SVOP: variants seen among roughly 807,000 people sequenced by gnomAD.
SVOP encodes synaptic vesicle 2-related protein.
Under a neutral mutation model 69.1 loss-of-function variants are expected in SVOP, and 17 were observed. That is an observed-to-expected ratio of 0.25 (90% CI 0.17 to 0.37). SVOP has a LOEUF of 0.37. Among genes scored for constraint, SVOP ranks in the 10% least tolerant of loss-of-function variants. The pLI is 1.00. For missense variants in SVOP, 435 were observed against 597.5 expected, an observed-to-expected ratio of 0.73 and a Z score of 2.84; for synonymous variants, 238 against 238.6, an observed-to-expected ratio of 1.00 and a Z score of 0.02.
chr12:108,950,593 G>A (rs1328656850), intron 6 of SVOP, among the ~76,000 whole-genome samples: 1 of 151,966 alleles, frequency 6.6e-6, no homozygotes, highest in Non-Finnish European at 1.5e-5. Flanking sequence ...ATGTTGCCCA[G>A]GCTGGTCTTG....
At chr12:108,939,314 C>A (rs866815149) in intron 8 of SVOP, among the ~76,000 whole-genome samples, 1 of 152,140 alleles carries the variant, frequency 6.6e-6, no homozygotes, top group African/African-American at 2.4e-5. Context: ...TTATTTGGGG[C>A]TGTTTTCAGA....
intron 1 of SVOP, among the ~76,000 whole-genome samples, chr12:109,005,381 C>G (rs1169243089): frequency 6.6e-6 from 1 of 152,146 alleles, no homozygotes. Context: ...TCATAGGAGT[C>G]TATCTATCGA....
intron 6 of SVOP, 109 bp downstream of exon 6, chr12:108,960,814 T>A: frequency 7.4e-7 from 1 of 1,358,198 alleles, no homozygotes; most frequent in Middle Eastern, 2.1e-4. Flanking sequence ...GGTATAGCTA[T>A]CTCTGCACCC....
rs149632810 is a variant in SVOP, at chr12:109,004,702, T to TATTTCATTTCATTTC, written c.35+16117_35+16131dup. On this transcript the variant is annotated intron_variant, in intron 1 of 15. Coordinates refer to ENST00000610966, the MANE Select transcript of SVOP (RefSeq NM_018711.5). ...GCCACCATGCCCGGCCTGATACAAGTATTTCATTTCATTTCATTTCATTTC... is the reference window on the plus strand; with the variant it reads ...GCCACCATGCCCGGCCTGATACAAGTATTTCATTTCATTTCATTTCATTTCATTTCATTTCATTTC... Among the ~76,000 whole-genome samples, 65 of 146,462 alleles carry TATTTCATTTCATTTC rather than the reference T, an allele frequency of 4.4e-4. 1 individual carries two copies. The highest frequency in any genetic ancestry group is 1.4e-3 in the African/African-American group (57 of 39,612).
intron 1 of SVOP, among the ~76,000 whole-genome samples, chr12:109,008,545 TAGC>T (rs1245598027): frequency 2.0e-5 from 3 of 152,198 alleles, no homozygotes; most frequent in African/African-American, 7.2e-5. Context: ...GTTCCTAGGA[TAGC>T]AGACCACTAG....
chr12:108,957,968 C>A (rs1350273104), intron 6 of SVOP, among the ~76,000 whole-genome samples: 1 of 152,228 alleles, frequency 6.6e-6, no homozygotes, highest in Non-Finnish European at 1.5e-5. Flanking sequence ...AGGAACTGTT[C>A]TTAGGCGGGG....
chr12:108,968,677 G>A (rs1320580961), intron 5 of SVOP, among the ~76,000 whole-genome samples: 1 of 151,798 alleles, frequency 6.6e-6, no homozygotes, highest in Non-Finnish European at 1.5e-5. Flanking sequence ...CAGAATTTGG[G>A]GTTCAGCAAA....
intron 15 of SVOP, 77 bp downstream of exon 15, chr12:108,915,706 G>C (rs2039709267): frequency 7.0e-7 from 1 of 1,435,774 alleles, no homozygotes; most frequent in East Asian, 2.6e-5. Context: ...TCTGGGGACA[G>C]TCGGCATGTA....
chr12:109,008,511 G>T (rs10774602), intron 1 of SVOP, among the ~76,000 whole-genome samples: 76,150 of 151,904 alleles, frequency 0.5, 22,203 homozygotes, highest in South Asian at 0.72. Context: ...TGCCATCCCC[G>T]TCAACCTGAA....
intron 1 of SVOP, among the ~76,000 whole-genome samples, chr12:109,006,197 T>C (rs930495907): frequency 2.0e-5 from 3 of 151,998 alleles, no homozygotes; most frequent in Non-Finnish European, 4.4e-5. Flanking sequence ...GGATTACAGC[T>C]GCCTGCTACC....
chr12:108,977,233 G>A (rs915305934), intron 4 of SVOP, among the ~76,000 whole-genome samples, 165 bp downstream of exon 4: 1 of 152,222 alleles, frequency 6.6e-6, no homozygotes, highest in Non-Finnish European at 1.5e-5. Flanking sequence ...AGTAGAGTTG[G>A]CTGTAAACCT....
At position 109,021,062 on chromosome 12, in the gene SVOP, C is replaced by G; in HGVS notation, c.-194G>C. 1 of 562,264 alleles carries G rather than the reference C, an allele frequency of 1.8e-6. No homozygotes were observed. The highest frequency in any genetic ancestry group is 3.3e-5 in the Admixed American group (1 of 30,486). 34.8% of individuals were successfully genotyped at this position (562,264 alleles called of 1,614,324 possible). On this transcript the variant is annotated 5_prime_UTR_variant, in exon 1 of 16. Transcript: ENST00000610966. The stretch of plus-strand genomic sequence containing the variant: ...AGCCTCCGCCGCCAGGAGACCGCGG[C>G]GAGAGTGGGCGGAGAAGAGGAGGCG...
In SVOP at chr12:108,940,814, G is replaced by A. The variant is rs1478246613; in HGVS notation, c.738C>T (p.Val246=). Residue 246 remains valine, a synonymous_variant, in exon 8 of 16, where the codon GTC becomes GTT. Transcript: ENST00000610966. ...GWRWLLILSA[V]PLLLFAVLCF... Reference sequence around the variant, plus strand: ...ACAGCACGGCAAAGAGGAGGAGCGGGACAGCTGAGAGGATGAGCAGCCAAC... The same window carrying A: ...ACAGCACGGCAAAGAGGAGGAGCGGAACAGCTGAGAGGATGAGCAGCCAAC... 9 of 1,537,108 alleles carry A rather than the reference G, an allele frequency of 5.9e-6. No individual in the cohort carries two copies. The highest frequency in any genetic ancestry group is 7.0e-6 in the Non-Finnish European group (8 of 1,146,902).
chr12:108,937,018 C>T (rs2039860552), intron 10 of SVOP: 4 of 472,124 alleles, frequency 8.5e-6, no homozygotes, highest in African/African-American at 2.0e-5. Flanking sequence ...GCTAGGAGAG[C>T]GCCACTGCAC....
chr12:108,928,819 C>T (rs148047139), intron 11 of SVOP, among the ~76,000 whole-genome samples: 18 of 152,222 alleles, frequency 1.2e-4, no homozygotes, highest in African/African-American at 3.4e-4. Flanking sequence ...CTGCCCGCGT[C>T]AGCCTCTCAG....
intron 4 of SVOP, 136 bp from the exon 5 acceptor site, chr12:108,972,612 G>T: frequency 2.2e-6 from 2 of 889,140 alleles, no homozygotes; most frequent in African/African-American, 1.6e-5. Context: ...CTGCCAAGGG[G>T]CAAACACTAA....
At chr12:108,998,613 T>G (rs2040249866) in intron 1 of SVOP, among the ~76,000 whole-genome samples, 1 of 152,142 alleles carries the variant, frequency 6.6e-6, no homozygotes, top group Non-Finnish European at 1.5e-5. Context: ...AGCAGATCTC[T>G]CGGCAGAAAC....
At chr12:108,920,004 C>T (rs2039738845) in intron 12 of SVOP, among the ~76,000 whole-genome samples, 1 of 152,148 alleles carries the variant, frequency 6.6e-6, no homozygotes, top group African/African-American at 2.4e-5. Context: ...TTTCCCTGGC[C>T]CTTCTCATAT....
chr12:108,971,141 C>T (rs1348303432), intron 5 of SVOP, among the ~76,000 whole-genome samples: 1 of 151,728 alleles, frequency 6.6e-6, no homozygotes, highest in Non-Finnish European at 1.5e-5. Context: ...TCAAAGAGGT[C>T]AATTTGGCTG....
Sources: allele counts gnomAD v4.1 joint callset (sites outside exome capture counted in the v4.1 genomes callset), GRCh38; gene constraint gnomAD v4.1.1; transcripts MANE v1.5; gene names NCBI Gene and HGNC (gene_info 2026-07-23, HGNC 2026-07-21).